The following DPYD variants were observed in gnomAD, a reference collection of about 807,000 sequenced individuals.
DPYD encodes the protein dihydropyrimidine dehydrogenase [NADP(+)].
Under a neutral mutation model 116.2 loss-of-function variants are expected in DPYD, and 109 were observed. That is an observed-to-expected ratio of 0.94 (90% confidence interval 0.80 to 1.10). DPYD has a LOEUF of 1.10. Ranked by LOEUF, DPYD falls within the 50% of genes least tolerant of loss-of-function variation. The pLI is 0.00. For synonymous variants in DPYD, 440 were observed against 432.0 expected, an observed-to-expected ratio of 1.02 and a Z score of -0.23; for missense variants, 1,302 against 1,254.5, an observed-to-expected ratio of 1.04 and a Z score of -0.57.
intron 13 of DPYD, among the ~76,000 whole-genome samples, chr1:97,504,400 A>AT (rs1185237350): frequency 6.6e-6 from 1 of 152,008 alleles, no homozygotes; most frequent in Non-Finnish European, 1.5e-5. Context: ...TGGACCAATT[A>AT]AGGGACCCAT....
chr1:97,420,292 G>A (rs906532269), intron 14 of DPYD, among the ~76,000 whole-genome samples: 2 of 152,288 alleles, frequency 1.3e-5, no homozygotes, highest in African/African-American at 2.4e-5. Context: ...TCGAAGGGAG[G>A]CGAGTGGATC....
intron 15 of DPYD, among the ~76,000 whole-genome samples, chr1:97,375,138 C>A (rs991993051): frequency 4.0e-5 from 6 of 151,834 alleles, no homozygotes; most frequent in African/African-American, 1.5e-4. Flanking sequence ...TTTCCAGTGC[C>A]GCGGTTTATT....
At chr1:97,282,772 C>A (rs984391901) in intron 18 of DPYD, among the ~76,000 whole-genome samples, 4 of 152,076 alleles carry the variant, frequency 2.6e-5, no homozygotes, top group African/African-American at 9.7e-5. Flanking sequence ...TCTTTGTGTC[C>A]ATGTGTACTT....
At chr1:97,440,663 A>G (rs1191483504) in intron 14 of DPYD, among the ~76,000 whole-genome samples, 1 of 152,166 alleles carries the variant, frequency 6.6e-6, no homozygotes, top group African/African-American at 2.4e-5. Flanking sequence ...TTCGTACTAT[A>G]GTTGTACATT....
chr1:97,549,710 T>C lies in DPYD; in HGVS notation c.1374A>G (p.Arg458=), dbSNP rs1197629733. The C allele has an allele frequency of 6.2e-7, 1 of 1,613,662 alleles. No homozygotes were observed. Among genetic ancestry groups the C allele is most frequent in the African/African-American group, 1.3e-5 (1 of 74,906 alleles). Residue 458 remains arginine, a synonymous_variant, in exon 12 of 23, where the codon AGA becomes AGG. Transcript: ENST00000370192. ...KEALSPIKFN[R]WGLPEVDPET... The stretch of plus-strand genomic sequence containing the variant: ...CTGGATCTACTTCTGGGAGACCCCA[T>C]CTGTTAAATTTTATAGGGCTCAAGG...
intron 2 of DPYD, among the ~76,000 whole-genome samples, chr1:97,853,300 C>T (rs1670660078): frequency 6.6e-6 from 1 of 152,166 alleles, no homozygotes; most frequent in African/African-American, 2.4e-5. Flanking sequence ...CCTTCAGAAA[C>T]TTCTATGCTG....
At chr1:97,394,805 G>T (rs1416395919) in intron 14 of DPYD, among the ~76,000 whole-genome samples, 1 of 152,040 alleles carries the variant, frequency 6.6e-6, no homozygotes, top group African/African-American at 2.4e-5. Flanking sequence ...AGAGTGAGCA[G>T]CAAGATCAAA....
chr1:97,258,711 G>A (rs558086774), intron 18 of DPYD, among the ~76,000 whole-genome samples: 2 of 152,266 alleles, frequency 1.3e-5, no homozygotes, highest in African/African-American at 4.8e-5. Flanking sequence ...TCTTACAGAA[G>A]TGAGAGGGCC....
At chr1:97,704,037 C>A (rs1661757557) in intron 5 of DPYD, among the ~76,000 whole-genome samples, 2 of 152,108 alleles carry the variant, frequency 1.3e-5, no homozygotes, top group South Asian at 2.1e-4. Context: ...ACCATCAACC[C>A]TAAATTCTGA....
intron 7 of DPYD, among the ~76,000 whole-genome samples, chr1:97,684,416 G>A (rs2786510): frequency 1 from 152,217 of 152,232 alleles, 76,101 homozygotes; most frequent in Middle Eastern, 1. Context: ...TATTTCAGTT[G>A]TTTTGCATTT....
intron 6 of DPYD, among the ~76,000 whole-genome samples, chr1:97,698,784 T>C (rs550956484): frequency 6.6e-6 from 1 of 152,066 alleles, no homozygotes; most frequent in Admixed American, 6.6e-5. Flanking sequence ...AGAGTTCTGT[T>C]TATTTTCAAT....
intron 12 of DPYD, chr1:97,545,666 C>T (rs1358948030): frequency 1.5e-6 from 1 of 671,714 alleles, no homozygotes; most frequent in Non-Finnish European, 2.6e-6. Context: ...AGTTACACAG[C>T]AGGAGGTAAG....
rs1304906107 is a variant in DPYD at position 97,234,974 on chromosome 1, C to T, written c.2320G>A (p.Ala774Thr). Reference sequence around the variant, plus strand: ...GCAATGGAGGTCACAGCTCTCAAAGCAATAGGTCTGATTGCTGTCCCTACA... The same window carrying T: ...GCAATGGAGGTCACAGCTCTCAAAGTAATAGGTCTGATTGCTGTCCCTACA... ...GVSGTAIRPI[A>T]LRAVTSIARA... Residue 774 changes from alanine (A) to threonine (T), a missense_variant, in exon 19 of 23, where the codon GCT (alanine) becomes ACT (threonine). Coordinates refer to ENST00000370192, the MANE Select transcript of DPYD (RefSeq NM_000110.4). 25 of 1,613,920 alleles carry T rather than the reference C, an allele frequency of 1.5e-5. No homozygotes were observed. Among genetic ancestry groups the T allele is most frequent in the Non-Finnish European group, 2.0e-5 (24 of 1,179,998 alleles).
chr1:97,767,566 CAG>C (rs1665932927), intron 3 of DPYD, among the ~76,000 whole-genome samples: 1 of 152,056 alleles, frequency 6.6e-6, no homozygotes, highest in Non-Finnish European at 1.5e-5. Context: ...TGAGAGACGA[CAG>C]GGAGAAGAGT....
In DPYD at chr1:97,636,290, C is replaced by T. The variant is rs556171773; in HGVS notation, c.851-41124G>A. Among the ~76,000 whole-genome samples, 35 of 152,112 alleles carry T rather than the reference C, an allele frequency of 2.3e-4. No individual in the cohort carries two copies. In the South Asian group the frequency reaches 6.9e-3, roughly 30 times the overall value. The stretch of plus-strand genomic sequence containing the variant: ...CAATTAATGAAGTCATACTGTTGAT[C>T]CTATTTCATCCCTTTTTCCCACTTT... On this transcript the variant is annotated intron_variant, in intron 8 of 22. Transcript: ENST00000370192.
chr1:97,436,194 AT>A (rs996086513), intron 14 of DPYD, among the ~76,000 whole-genome samples: 1 of 151,918 alleles, frequency 6.6e-6, no homozygotes, highest in Non-Finnish European at 1.5e-5. Context: ...CTCAACACTG[AT>A]TGTTATGAAA....
At chr1:97,509,433 G>A (rs766018694) in intron 13 of DPYD, among the ~76,000 whole-genome samples, 4 of 151,930 alleles carry the variant, frequency 2.6e-5, no homozygotes, top group Non-Finnish European at 5.9e-5. Flanking sequence ...AAAGTGGCCT[G>A]TATTATGTGG....
intron 3 of DPYD, among the ~76,000 whole-genome samples, chr1:97,747,205 A>G (rs1664606151): frequency 6.6e-6 from 1 of 152,176 alleles, no homozygotes; most frequent in Admixed American, 6.5e-5. Context: ...ATACAGAAAC[A>G]GTAACAGTAA....
intron 1 of DPYD, among the ~76,000 whole-genome samples, chr1:97,911,299 G>A (rs947574305): frequency 6.6e-6 from 1 of 151,960 alleles, no homozygotes; most frequent in Non-Finnish European, 1.5e-5. Context: ...TCCAGTCTTG[G>A]AATGAAAGGG....
Sources: gnomAD v4.1 joint callset for allele counts (sites outside exome capture counted in the v4.1 genomes callset) on GRCh38, gnomAD v4.1.1 for gene constraint, MANE v1.5 for transcripts, NCBI Gene and HGNC (gene_info 2026-07-23, HGNC 2026-07-21) for gene names.